The following CACNG1 variants were observed in gnomAD, a reference collection of about 807,000 sequenced individuals.
CACNG1 encodes the protein voltage-dependent calcium channel gamma-1 subunit.
In CACNG1, 21 loss-of-function variants were observed where a neutral mutation model predicts 22.0. That is an observed-to-expected ratio of 0.95 (90% CI 0.68 to 1.37). The LOEUF is 1.37. Among genes scored for constraint, CACNG1 ranks in the 40% most tolerant of loss-of-function variants. The pLI, the probability that CACNG1 is intolerant of heterozygous loss-of-function variation, is 0.00. For missense variants in CACNG1, 291 were observed against 308.6 expected, an observed-to-expected ratio of 0.94 and a Z score of 0.43; for synonymous variants, 127 against 129.2, an observed-to-expected ratio of 0.98 and a Z score of 0.12.
At position 67,056,173 on chromosome 17, in the gene CACNG1, C is replaced by T. The variant is rs775552129; in HGVS notation, c.571C>T (p.Leu191Phe). ...SFACACAAFILLFLGGLALLL... is the reference protein window; with the variant it reads ...SFACACAAFIFLFLGGLALLL... The stretch of plus-strand genomic sequence containing the variant: ...TGCCTGCGCCTGTGCCGCCTTCATC[C>T]TCCTCTTTCTCGGCGGTCTCGCCCT... Residue 191 changes from leucine to phenylalanine, a missense_variant, in exon 4 of 4, where the codon CTC becomes TTC. Transcript: ENST00000226021. The surrounding 1 kb of genome is among the most constrained non-coding windows in gnomAD (Gnocchi z 4.3). The T allele has an allele frequency of 2.5e-6, 4 of 1,613,954 alleles. No homozygotes were observed. The African/African-American group carries it at 4.0e-5, about 16-fold the overall frequency.
In CACNG1 at chr17:67,055,626, C is replaced by CA. The variant is rs2035756867; in HGVS notation, c.442+388dup. Among the ~76,000 whole-genome samples, 1 of 152,164 alleles carries CA rather than the reference C, an allele frequency of 6.6e-6. No individual in the cohort carries two copies. The highest frequency in any genetic ancestry group is 6.5e-5 in the Admixed American group (1 of 15,276). ...CACTGCAGCCTCGAACTCCTGGGTT[C>CA]AAGGGTTCCTCCCGCCCCAGCCTCC... On this transcript the variant is annotated intron_variant, in intron 3 of 3. Transcript: ENST00000226021. This position sits in a 1 kb window ranked among gnomAD's most constrained non-coding sequence, Gnocchi z 4.5.
intron 1 of CACNG1, among the ~76,000 whole-genome samples, chr17:67,047,258 A>G (rs1017667028): frequency 5.9e-5 from 9 of 152,248 alleles, no homozygotes; most frequent in African/African-American, 2.2e-4. Flanking sequence ...AATCTTCTCC[A>G]TAATAGTAAT....
intron 1 of CACNG1, among the ~76,000 whole-genome samples, chr17:67,046,580 A>G (rs991281948): frequency 2.0e-5 from 3 of 152,182 alleles, no homozygotes; most frequent in African/African-American, 7.2e-5. Context: ...AGGGTATCGC[A>G]TAGCCCGGAT....
At position 67,056,377 on chromosome 17, in the gene CACNG1, C is replaced by T; in HGVS notation, c.*106C>T. The T allele has an allele frequency of 1.1e-6, 1 of 878,112 alleles. No homozygotes were observed. Among genetic ancestry groups the T allele is most frequent in the Non-Finnish European group, 1.8e-6 (1 of 562,012 alleles). The allele number at this position is 878,112 out of a possible 1,614,324, so 54.4% of individuals were successfully genotyped here. ...GGAGCAATTTTAGCCCCACCCTGCT[C>T]CCATCTGCCCCCCTGCAACAGTCGC... is the stretch of plus-strand genomic sequence containing the variant. On this transcript the variant is annotated 3_prime_UTR_variant, in exon 4 of 4. Transcript: ENST00000226021. This position sits in a 1 kb window ranked among gnomAD's most constrained non-coding sequence, Gnocchi z 4.3.
chr17:67,054,009 C>G lies in CACNG1; in HGVS notation c.243C>G (p.Ser81=). Residue 81 remains serine, a synonymous_variant, in exon 2 of 4, where the codon TCC becomes TCG. Transcript: ENST00000226021. This position sits in a 1 kb window ranked among gnomAD's most constrained non-coding sequence, Gnocchi z 4.6. Reference sequence around the variant, plus strand: ...CCTCCTTTGCAGAGAAGAACTGTTCCTACTTCAGGCATTTTAACCCCGGCG... The same window carrying G: ...CCTCCTTTGCAGAGAAGAACTGTTCGTACTTCAGGCATTTTAACCCCGGCG... The part of the protein sequence containing the change: ...PITLPGEKNC[S]YFRHFNPGES... The G allele has an allele frequency of 1.9e-6, 3 of 1,614,024 alleles. No homozygotes were observed. Among genetic ancestry groups the G allele is most frequent in the Non-Finnish European group, 2.5e-6 (3 of 1,179,880 alleles).
chr17:67,049,932 C>T (rs2035719145), intron 1 of CACNG1, among the ~76,000 whole-genome samples: 1 of 152,188 alleles, frequency 6.6e-6, no homozygotes, highest in Admixed American at 6.5e-5. Context: ...AGACTCCAAA[C>T]AGTCTTAGAA....
chr17:67,056,232 C>T lies in CACNG1; in HGVS notation c.630C>T (p.Asn210=). The T allele has an allele frequency of 6.2e-7, 1 of 1,614,064 alleles. No individual in the cohort carries two copies. The highest frequency in any genetic ancestry group is 8.5e-7 in the Non-Finnish European group (1 of 1,180,034). ...LLFSLPRMPR[N]PWESCMDAEP... Reference sequence around the variant, plus strand: ...TCTCCCTGCCTCGAATGCCCCGGAACCCATGGGAGTCCTGCATGGATGCTG... The same window carrying T: ...TCTCCCTGCCTCGAATGCCCCGGAATCCATGGGAGTCCTGCATGGATGCTG... Residue 210 remains asparagine, a synonymous_variant, in exon 4 of 4, where the codon AAC becomes AAT. Coordinates refer to ENST00000226021, the MANE Select transcript of CACNG1 (RefSeq NM_000727.4). This position sits in a 1 kb window ranked among gnomAD's most constrained non-coding sequence, Gnocchi z 4.3.
chr17:67,056,346 G>A lies in CACNG1; in HGVS notation c.*75G>A, dbSNP rs540562451. The A allele has an allele frequency of 7.3e-7, 1 of 1,378,648 alleles. No homozygotes were observed. The highest frequency in any genetic ancestry group is 1.2e-5 in the South Asian group (1 of 82,920). 85.4% of individuals were successfully genotyped at this position (1,378,648 alleles called of 1,614,324 possible). ...TCTTGGCCTGGAACCTTCCAGAGAG[G>A]AGGCGGGAGCAATTTTAGCCCCACC... On this transcript the variant is annotated 3_prime_UTR_variant, in exon 4 of 4. Coordinates refer to ENST00000226021, the MANE Select transcript of CACNG1 (RefSeq NM_000727.4). This position sits in a 1 kb window ranked among gnomAD's most constrained non-coding sequence, Gnocchi z 4.3.
intron 1 of CACNG1, among the ~76,000 whole-genome samples, chr17:67,046,520 G>C (rs1417519181): frequency 3.9e-5 from 6 of 152,138 alleles, no homozygotes; most frequent in Non-Finnish European, 7.3e-5. Context: ...AGCTGTTGTA[G>C]AAACACCAAG....
Position 67,056,257 on chromosome 17 carries a change from G to C in CACNG1, c.655G>C (p.Glu219Gln). The C allele has an allele frequency of 2.5e-6, 4 of 1,613,892 alleles. No individual in the cohort carries two copies. In the South Asian group the frequency reaches 3.3e-5, roughly 13 times the overall value. ...CCCATGGGAGTCCTGCATGGATGCT[G>C]AGCCCGAGCACTAACCCTCCTGCGG... Reference protein sequence around the residue: ...RNPWESCMDAEPEH With the variant: ...RNPWESCMDAQPEH Residue 219 changes from glutamate (E) to glutamine (Q), a missense_variant, in exon 4 of 4, where the codon GAG becomes CAG. Glu to Gln is a conservative substitution (Grantham distance 29, BLOSUM62 2). Transcript: ENST00000226021. The surrounding 1 kb of genome is among the most constrained non-coding windows in gnomAD (Gnocchi z 4.3).
chr17:67,051,140 C>T (rs1249812770), intron 1 of CACNG1, among the ~76,000 whole-genome samples: 1 of 152,184 alleles, frequency 6.6e-6, no homozygotes, highest in African/African-American at 2.4e-5. Flanking sequence ...CCTCTTGACC[C>T]ATGACTAAGA....
chr17:67,055,313 T>A lies in CACNG1; in HGVS notation c.442+73T>A. 1 of 1,510,854 alleles carries A rather than the reference T, an allele frequency of 6.6e-7. No individual in the cohort carries two copies. The highest frequency in any genetic ancestry group is 9.0e-7 in the Non-Finnish European group (1 of 1,113,374). 93.6% of individuals were successfully genotyped at this position (1,510,854 alleles called of 1,614,324 possible). ...CGGGGGATTCTCCGCTCCACCCTCA[T>A]GCCCACCGCGAGATTTGGGTGAGGG... is the stretch of plus-strand genomic sequence containing the variant. On this transcript the variant is annotated intron_variant, in intron 3 of 3. Coordinates refer to ENST00000226021, the MANE Select transcript of CACNG1 (RefSeq NM_000727.4). This position sits in a 1 kb window ranked among gnomAD's most constrained non-coding sequence, Gnocchi z 4.5.
Position 67,055,157 on chromosome 17 carries a change from TG to T in CACNG1, c.362del (p.Gly121AlafsTer42). On this transcript the variant is annotated frameshift_variant, in exon 3 of 4. Coordinates refer to ENST00000226021, the MANE Select transcript of CACNG1 (RefSeq NM_000727.4). LOFTEE classifies it high-confidence loss of function. This position sits in a 1 kb window ranked among gnomAD's most constrained non-coding sequence, Gnocchi z 4.5. The part of the protein sequence containing the change: ...IAIFSLGFII[L>X]GSLCVLLSLG... ...ATCTTCAGCCTTGGCTTCATCATCC[TG>T]GGCAGCCTCTGTGTCCTCCTGTCCC... 1 of 1,614,240 alleles carries T rather than the reference TG, an allele frequency of 6.2e-7. No individual in the cohort carries two copies. The highest frequency in any genetic ancestry group is 8.5e-7 in the Non-Finnish European group (1 of 1,180,032).
Position 67,044,747 on chromosome 17 carries a change from C to T in CACNG1, c.87C>T (p.Thr29=), listed in dbSNP as rs141232994. 31 of 1,612,958 alleles carry T rather than the reference C, an allele frequency of 1.9e-5. No individual in the cohort carries two copies. The highest frequency in any genetic ancestry group is 1.9e-4 in the African/African-American group (14 of 75,054). ...GIVLAMTAVV[T]DHWAVLSPHM... is the part of the protein sequence containing the mutation. ...TGCTGGCCATGACAGCCGTGGTAAC[C>T]GACCACTGGGCTGTGCTGAGCCCCC... The change falls in exon 1 of 4, where the codon ACC becomes ACT. Residue 29 remains threonine, a synonymous_variant. Transcript: ENST00000226021. This position sits in a 1 kb window ranked among gnomAD's most constrained non-coding sequence, Gnocchi z 6.9.
rs2035687488 is a variant in CACNG1, at chr17:67,044,944, C to G, written c.229+55C>G. 6.8e-7 allele frequency: 1 copy of G among 1,467,426 alleles called. No homozygotes were observed. The highest frequency in any genetic ancestry group is 9.4e-7 in the Non-Finnish European group (1 of 1,068,546). The allele number at this position is 1,467,426 out of a possible 1,614,324, so 90.9% of individuals were successfully genotyped here. A position where few individuals can be genotyped will look rare whatever the true frequency, so the allele number is the denominator to read the frequency against. On this transcript the variant is annotated intron_variant, in intron 1 of 3. Coordinates refer to ENST00000226021, the MANE Select transcript of CACNG1 (RefSeq NM_000727.4). This position sits in a 1 kb window ranked among gnomAD's most constrained non-coding sequence, Gnocchi z 6.9. Reference sequence around the variant, plus strand: ...CACCTCCTGCTCTTCCCCGTCATCCCCCTGGCAAAGTTGCCCTTGCGAAGG... The same window carrying G: ...CACCTCCTGCTCTTCCCCGTCATCCGCCTGGCAAAGTTGCCCTTGCGAAGG...
intron 1 of CACNG1, 54 bp from the exon 2 acceptor site, chr17:67,053,942 T>C: frequency 7.4e-7 from 1 of 1,356,762 alleles, no homozygotes. Context: ...GCCAGGCCTC[T>C]GTCCTTGCTA....
Position 67,044,748 on chromosome 17 carries a change from G to C in CACNG1, c.88G>C (p.Asp30His). 2 of 1,612,850 alleles carry C rather than the reference G, an allele frequency of 1.2e-6. No homozygotes were observed. The highest frequency in any genetic ancestry group is 1.7e-6 in the Non-Finnish European group (2 of 1,180,010). The change falls in exon 1 of 4, where the codon GAC becomes CAC. Residue 30 changes from aspartate (D) to histidine (H), a missense_variant. Transcript: ENST00000226021. This position sits in a 1 kb window ranked among gnomAD's most constrained non-coding sequence, Gnocchi z 6.9. ...GCTGGCCATGACAGCCGTGGTAACC[G>C]ACCACTGGGCTGTGCTGAGCCCCCA... is the stretch of plus-strand genomic sequence containing the variant. Reference protein sequence around the residue: ...IVLAMTAVVTDHWAVLSPHME... With the variant: ...IVLAMTAVVTHHWAVLSPHME...
Position 67,055,278 on chromosome 17 carries a change from G to C in CACNG1, c.442+38G>C. ...ATCTGCCTGAGCGCCGGGGCCGGGGGACCATGTCGCGGGGGATTCTCCGCT... is the reference window on the plus strand; with the variant it reads ...ATCTGCCTGAGCGCCGGGGCCGGGGCACCATGTCGCGGGGGATTCTCCGCT... On this transcript the variant is annotated intron_variant, in intron 3 of 3. Transcript: ENST00000226021. This position sits in a 1 kb window ranked among gnomAD's most constrained non-coding sequence, Gnocchi z 4.5. 1.3e-6 allele frequency: 2 copies of C among 1,595,104 alleles called. No individual in the cohort carries two copies. Among genetic ancestry groups the C allele is most frequent in the Non-Finnish European group, 1.7e-6 (2 of 1,167,446 alleles).
chr17:67,045,169 G>T (rs1396424356), intron 1 of CACNG1, among the ~76,000 whole-genome samples: 6 of 152,216 alleles, frequency 3.9e-5, no homozygotes. Context: ...GAAAGGAACT[G>T]CAGCTCTACC....
Sources: allele counts gnomAD v4.1 joint callset (sites outside exome capture counted in the v4.1 genomes callset), GRCh38; gene constraint gnomAD v4.1.1; non-coding constraint Gnocchi (gnomAD v3.1); transcripts MANE v1.5; gene names NCBI Gene and HGNC (gene_info 2026-07-23, HGNC 2026-07-21).